The following SV2B variants were observed in gnomAD, a reference collection of about 807,000 sequenced individuals.
SV2B encodes the protein solute carrier family 22 member B2.
A neutral mutation model predicts 73.9 loss-of-function variants in SV2B; 41 were observed. The observed-to-expected ratio is 0.56, with a 90% confidence interval of 0.43 to 0.72. The LOEUF (loss-of-function observed/expected upper bound fraction) is 0.72. SV2B is among the 30% of genes least tolerant of loss of function. The pLI is 0.00. For missense variants in SV2B, 764 were observed against 857.8 expected (o/e 0.89, Z 1.37); for synonymous variants, 314 against 314.2 (o/e 1.00, Z 0.01).
chr15:91,302,391 T>C lies in SV2B; in HGVS notation c.*9839T>C, dbSNP rs1341176524. Among the ~76,000 whole-genome samples, 1 of 152,164 alleles carries C rather than the reference T, an allele frequency of 6.6e-6. No individual in the cohort carries two copies. The highest frequency in any genetic ancestry group is 1.9e-4 in the East Asian group (1 of 5,200). On this transcript the variant is annotated 3_prime_UTR_variant, in exon 13 of 13. Coordinates refer to ENST00000394232, the MANE Select transcript of SV2B (RefSeq NM_001323032.3). ...ATCTGGGGGGTGCAGAGGAGGGACC[T>C]GGTTCTGGAGTGGTGATGCTGGTTG...
intron 1 of SV2B, among the ~76,000 whole-genome samples, chr15:91,204,447 C>T (rs1453477632): frequency 1.3e-5 from 2 of 151,486 alleles, no homozygotes; most frequent in African/African-American, 2.4e-5. Context: ...AAAATTTAAC[C>T]CACATTTGTA....
At chr15:91,216,719 C>T (rs2046039940) in intron 1 of SV2B, among the ~76,000 whole-genome samples, 1 of 151,660 alleles carries the variant, frequency 6.6e-6, no homozygotes, top group South Asian at 2.1e-4. Flanking sequence ...GATCTGCCCG[C>T]CTCGGCCTCC....
intron 6 of SV2B, among the ~76,000 whole-genome samples, chr15:91,263,368 T>A (rs1186146646): frequency 8.9e-6 from 1 of 112,846 alleles, no homozygotes; most frequent in Non-Finnish European, 1.9e-5. Context: ...ACAGACACAT[T>A]AAGACAGACA....
intron 1 of SV2B, among the ~76,000 whole-genome samples, chr15:91,173,148 G>A (rs892550164): frequency 2.6e-5 from 4 of 152,190 alleles, no homozygotes; most frequent in African/African-American, 9.7e-5. Context: ...TGCTGAGAAG[G>A]AGGGAGGCAT....
intron 1 of SV2B, among the ~76,000 whole-genome samples, chr15:91,211,053 A>G (rs957157794): frequency 3.3e-5 from 5 of 152,196 alleles, no homozygotes; most frequent in Admixed American, 3.3e-4. Context: ...ACGACCAGAA[A>G]AGGAGAAAAT....
At chr15:91,145,405 T>C (rs2043119377) in intron 1 of SV2B, among the ~76,000 whole-genome samples, 1 of 152,208 alleles carries the variant, frequency 6.6e-6, no homozygotes, top group Admixed American at 6.5e-5. Context: ...GACATTTAGG[T>C]TGATTCCATG....
In SV2B at chr15:91,110,025, C is replaced by T. The variant is rs1481128010; in HGVS notation, c.-392+9662C>T. Among the ~76,000 whole-genome samples the T allele has an allele frequency of 2.6e-5, 4 of 152,124 alleles. No homozygotes were observed. Among genetic ancestry groups the T allele is most frequent in the African/African-American group, 4.8e-5 (2 of 41,426 alleles). On this transcript the variant is annotated intron_variant, in intron 1 of 12. Transcript: ENST00000394232. The surrounding 1 kb of genome is among the most constrained non-coding windows in gnomAD (Gnocchi z 5.4). ...CAGGCATGAACCACTGCATCCACCT[C>T]GGAAATAGCTTATTTGGGTGGATAA...
In SV2B at chr15:91,137,645, C is replaced by CATATATTTCATATATAT. The variant is rs1567282238; in HGVS notation, c.-392+37288_-392+37289insTTCATATATATATATAT. On this transcript the variant is annotated intron_variant, in intron 1 of 12. Transcript: ENST00000394232. This position sits in a 1 kb window ranked among gnomAD's most constrained non-coding sequence, Gnocchi z 4.9. ...CATATATACATATATTTCATATATA[C>CATATATTTCATATATAT]ATATATATTTCATATATACATATAT... Among the ~76,000 whole-genome samples, 370 of 60,598 alleles carry CATATATTTCATATATAT rather than the reference C, an allele frequency of 6.1e-3. 2 individuals carry two copies. Among genetic ancestry groups the CATATATTTCATATATAT allele is most frequent in the East Asian group, 0.02 (7 of 352 alleles). The allele number at this position is 60,598 out of a possible 152,430, so 39.8% of individuals were successfully genotyped here.
rs1035395122 is a variant in SV2B, at chr15:91,115,956, A to G, written c.-392+15593A>G. ...AGAAGCTTTGTTTCACATACACCTT[A>G]ACAGAGTACATGCACACACATACAC... On this transcript the variant is annotated intron_variant, in intron 1 of 12. Coordinates refer to ENST00000394232, the MANE Select transcript of SV2B (RefSeq NM_001323032.3). This position sits in a 1 kb window ranked among gnomAD's most constrained non-coding sequence, Gnocchi z 4.3. Among the ~76,000 whole-genome samples, 1 of 152,164 alleles carries G rather than the reference A, an allele frequency of 6.6e-6. No homozygotes were observed. Among genetic ancestry groups the G allele is most frequent in the Non-Finnish European group, 1.5e-5 (1 of 68,026 alleles).
intron 1 of SV2B, among the ~76,000 whole-genome samples, chr15:91,198,139 A>C (rs1177050881): frequency 6.6e-6 from 1 of 152,224 alleles, no homozygotes; most frequent in Non-Finnish European, 1.5e-5. Flanking sequence ...GAGCCAGATG[A>C]AAAAGTCTGC....
chr15:91,199,185 C>T (rs1229691491), intron 1 of SV2B, among the ~76,000 whole-genome samples: 1 of 151,992 alleles, frequency 6.6e-6, no homozygotes, highest in Non-Finnish European at 1.5e-5. Context: ...TTAAAAAAAT[C>T]ATGTAAACTA....
chr15:91,210,012 G>A (rs937780306), intron 1 of SV2B, among the ~76,000 whole-genome samples: 3 of 152,126 alleles, frequency 2.0e-5, no homozygotes, highest in Non-Finnish European at 4.4e-5. Context: ...GATGGAGGGG[G>A]ACTAATTATA....
rs2047153381 is a variant in SV2B at position 91,244,641 on chromosome 15, A to G, written c.452-7178A>G. Among the ~76,000 whole-genome samples, 7 of 152,316 alleles carry G rather than the reference A, an allele frequency of 4.6e-5. 1 individual carries two copies. In the South Asian group the frequency reaches 1.5e-3, roughly 32 times the overall value. ...CCCTGATGTTCCTCCATGATTTAAT[A>G]CCAAAGTGAGAGTTCTTTGTGGGAT... is the stretch of plus-strand genomic sequence containing the variant. On this transcript the variant is annotated intron_variant, in intron 2 of 12. Transcript: ENST00000394232.
intron 1 of SV2B, among the ~76,000 whole-genome samples, chr15:91,168,301 C>CGAGAGAGA (rs113991291): frequency 0.015 from 2,031 of 137,218 alleles, 58 homozygotes; most frequent in East Asian, 0.088. Flanking sequence ...TGGTGAGATA[C>CGAGAGAGA]GAGAGAGAGA....
rs1282743023 is a variant in SV2B at position 91,265,026 on chromosome 15, A to C, written c.1009-1556A>C. On this transcript the variant is annotated intron_variant, in intron 6 of 12. Coordinates refer to ENST00000394232, the MANE Select transcript of SV2B (RefSeq NM_001323032.3). This position sits in a 1 kb window ranked among gnomAD's most constrained non-coding sequence, Gnocchi z 4.2. ...GATGGGCCAGAAAAAGAAATGAAAA[A>C]AGAGAGACAACCAGAAAGTGGTAAC... Among the ~76,000 whole-genome samples the C allele has an allele frequency of 6.6e-6, 1 of 152,210 alleles. No individual in the cohort carries two copies. Among genetic ancestry groups the C allele is most frequent in the African/African-American group, 2.4e-5 (1 of 41,446 alleles).
At chr15:91,244,447 G>C (rs1285154729) in intron 2 of SV2B, among the ~76,000 whole-genome samples, 1 of 152,188 alleles carries the variant, frequency 6.6e-6, no homozygotes, top group Non-Finnish European at 1.5e-5. Context: ...AGTCGAACAT[G>C]GTGATTCTAG....
Position 91,252,125 on chromosome 15 carries a change from T to C in SV2B, c.632+126T>C, listed in dbSNP as rs894680548. 7 of 1,309,556 alleles carry C rather than the reference T, an allele frequency of 5.3e-6. No homozygotes were observed. In the Admixed American group the frequency reaches 1.0e-4, roughly 19 times the overall value. 81.1% of individuals were successfully genotyped at this position (1,309,556 alleles called of 1,614,324 possible). A position where few individuals can be genotyped will look rare whatever the true frequency, so the allele number is the denominator to read the frequency against. ...CTGAGTTTTTGTTTGACTTTCAGGA[T>C]ACTATATTAAAGTTGAACCTTAGAA... On this transcript the variant is annotated intron_variant, in intron 3 of 12. Transcript: ENST00000394232. The surrounding 1 kb of genome is among the most constrained non-coding windows in gnomAD (Gnocchi z 4.6).
At chr15:91,183,891 C>T (rs145702543) in intron 1 of SV2B, among the ~76,000 whole-genome samples, 2 of 152,232 alleles carry the variant, frequency 1.3e-5, no homozygotes, top group Non-Finnish European at 2.9e-5. Context: ...AAAATGTTGT[C>T]ATTGTCATCT....
intron 1 of SV2B, among the ~76,000 whole-genome samples, chr15:91,103,077 C>G (rs1380561707): frequency 6.6e-6 from 1 of 152,170 alleles, no homozygotes; most frequent in East Asian, 1.9e-4. Context: ...CTATTTGTCA[C>G]TATGATGTAT....
Sources: allele counts gnomAD v4.1 joint callset (sites outside exome capture counted in the v4.1 genomes callset), GRCh38; gene constraint gnomAD v4.1.1; non-coding constraint Gnocchi (gnomAD v3.1); transcripts MANE v1.5; gene names NCBI Gene and HGNC (gene_info 2026-07-23, HGNC 2026-07-21).